The following MYRIP variants were observed in gnomAD, a reference collection of about 807,000 sequenced individuals.
The protein encoded by MYRIP is myosin VIIA and Rab interacting protein, also known as rab effector MyRIP.
In MYRIP, 49 loss-of-function variants were observed where a neutral mutation model predicts 98.0. The observed-to-expected ratio is 0.50, with a 90% CI of 0.40 to 0.63. The LOEUF (loss-of-function observed/expected upper bound fraction) is 0.63. MYRIP is among the 30% of genes least tolerant of loss of function. MYRIP has a pLI of 0.00. For synonymous variants in MYRIP, 404 were observed against 409.5 expected (o/e 0.99, Z 0.16); for missense variants, 1,004 against 1,058.2 (o/e 0.95, Z 0.71).
intron 4 of MYRIP, 75 bp from the exon 5 acceptor site, chr3:40,162,655 G>A (rs1950420608): frequency 1.5e-6 from 2 of 1,324,194 alleles, no homozygotes; most frequent in Admixed American, 1.7e-5. Context: ...CCAGTTCAGT[G>A]ACACAGTGCA....
At position 39,872,517 on chromosome 3, in the gene MYRIP, G is replaced by A. The variant is rs1026387974; in HGVS notation, c.-30-28270G>A. On this transcript the variant is annotated intron_variant, in intron 1 of 16. Transcript: ENST00000302541. The stretch of plus-strand genomic sequence containing the variant: ...CCCATCCCACAACAGTCCCCAGAGT[G>A]TGATGTTCCCCTTCCTGTGTCCATG... Among the ~76,000 whole-genome samples, 56 of 131,928 alleles carry A rather than the reference G, an allele frequency of 4.2e-4. No individual in the cohort carries two copies. In the East Asian group the frequency reaches 9.8e-3, roughly 23 times the overall value. 86.5% of individuals were successfully genotyped at this position (131,928 alleles called of 152,430 possible).
chr3:40,007,207 A>G (rs1485908854), intron 2 of MYRIP, among the ~76,000 whole-genome samples: 1 of 152,238 alleles, frequency 6.6e-6, no homozygotes. Context: ...TAATGCATCC[A>G]GCCATGGAGA....
At chr3:40,242,789 T>TA (rs1266500636) in intron 12 of MYRIP, among the ~76,000 whole-genome samples, 2 of 152,076 alleles carry the variant, frequency 1.3e-5, no homozygotes, top group Middle Eastern at 3.4e-3. Context: ...GGAAAAGTAT[T>TA]AAAAAAGTAT....
intron 1 of MYRIP, among the ~76,000 whole-genome samples, chr3:39,891,137 G>A (rs1943476578): frequency 6.6e-6 from 1 of 151,898 alleles, no homozygotes; most frequent in African/African-American, 2.4e-5. Context: ...TCAATATAAG[G>A]GAGAAATACT....
rs778916373 is a variant in MYRIP, at chr3:40,210,094, G to T, written c.1905+1G>T. ...GAGTGTCCAGGAAGAGCTGAAGAAG[G>T]TAAGGGCTGTGAAGCCACCTGCAGA... On this transcript the variant is annotated splice_donor_variant, in intron 11 of 16. Transcript: ENST00000302541. LOFTEE classifies it high-confidence loss of function. 1.9e-6 allele frequency: 3 copies of T among 1,613,440 alleles called. No individual in the cohort carries two copies. The highest frequency in any genetic ancestry group is 2.2e-5 in the South Asian group (2 of 91,026).
Position 39,984,316 on chromosome 3 carries a change from G to A in MYRIP, c.111-59734G>A, listed in dbSNP as rs184285491. Reference sequence around the variant, plus strand: ...ATGTATACATGTGCCATGCTGGTGCGCTGCACCCACTAACTCGTCATCTAG... The same window carrying A: ...ATGTATACATGTGCCATGCTGGTGCACTGCACCCACTAACTCGTCATCTAG... On this transcript the variant is annotated intron_variant, in intron 2 of 16. Transcript: ENST00000302541. Among the ~76,000 whole-genome samples the A allele has an allele frequency of 7.2e-5, 11 of 151,944 alleles. No individual in the cohort carries two copies. The East Asian group carries it at 9.7e-4, about 13-fold the overall frequency.
chr3:39,878,243 T>C (rs1241699299), intron 1 of MYRIP, among the ~76,000 whole-genome samples: 1 of 152,204 alleles, frequency 6.6e-6, no homozygotes, highest in Non-Finnish European at 1.5e-5. Context: ...CCAGGTGCTG[T>C]CTGTCACCCC....
intron 1 of MYRIP, among the ~76,000 whole-genome samples, chr3:39,858,146 G>A (rs1266995402): frequency 6.6e-6 from 1 of 152,104 alleles, no homozygotes; most frequent in East Asian, 1.9e-4. Flanking sequence ...CTGCCTTCAG[G>A]AGACTCACTT....
intron 1 of MYRIP, among the ~76,000 whole-genome samples, chr3:39,837,680 G>A (rs1193457090): frequency 6.6e-6 from 1 of 152,156 alleles, no homozygotes; most frequent in Non-Finnish European, 1.5e-5. Flanking sequence ...TTTTGCTTAG[G>A]ATTGTCTTGG....
chr3:40,253,772 G>A (rs1953475370), intron 16 of MYRIP, among the ~76,000 whole-genome samples: 2 of 152,220 alleles, frequency 1.3e-5, no homozygotes, highest in African/African-American at 4.8e-5. Context: ...TCGTTTAGCA[G>A]TAGGGACGGG....
chr3:40,144,192 C>T (rs934766812), intron 3 of MYRIP, among the ~76,000 whole-genome samples: 3 of 152,226 alleles, frequency 2.0e-5, no homozygotes, highest in African/African-American at 7.2e-5. Context: ...TGAGTAGATA[C>T]AGGTGTTCTA....
At chr3:39,818,843 A>G (rs1337166423) in intron 1 of MYRIP, among the ~76,000 whole-genome samples, 2 of 152,212 alleles carry the variant, frequency 1.3e-5, no homozygotes, top group African/African-American at 4.8e-5. Flanking sequence ...AAATTTCTAT[A>G]GCAATGTAGA....
At chr3:39,884,486 A>G (rs1943237850) in intron 1 of MYRIP, among the ~76,000 whole-genome samples, 5 of 152,070 alleles carry the variant, frequency 3.3e-5, no homozygotes, top group Admixed American at 3.3e-4. Flanking sequence ...ACCCTCCACA[A>G]TGTGGATGGG....
intron 3 of MYRIP, among the ~76,000 whole-genome samples, chr3:40,064,771 T>TA (rs1164929585): frequency 6.6e-6 from 1 of 152,118 alleles, no homozygotes; most frequent in Admixed American, 6.5e-5. Context: ...TAAAAAGTGA[T>TA]AAAATGAGCT....
At chr3:39,903,471 A>G (rs937401180) in intron 2 of MYRIP, among the ~76,000 whole-genome samples, 1 of 152,128 alleles carries the variant, frequency 6.6e-6, no homozygotes, top group Admixed American at 6.5e-5. Context: ...AGTGTAGTAG[A>G]GCTTATCCAG....
At chr3:40,047,750 C>T (rs1017769218) in intron 3 of MYRIP, among the ~76,000 whole-genome samples, 2 of 152,182 alleles carry the variant, frequency 1.3e-5, no homozygotes, top group Non-Finnish European at 2.9e-5. Context: ...CCCTGTTTGA[C>T]AGAGAAGTAT....
chr3:40,000,302 A>G (rs1045036792), intron 2 of MYRIP, among the ~76,000 whole-genome samples: 5 of 152,224 alleles, frequency 3.3e-5, no homozygotes, highest in Admixed American at 1.3e-4. Flanking sequence ...TATCACGCAC[A>G]TGAAGACTGT....
In MYRIP at chr3:39,982,231, A is replaced by G. The variant is rs62264395; in HGVS notation, c.111-61819A>G. 3.8e-3 allele frequency among the ~76,000 whole-genome samples: 574 copies of G among 152,330 alleles called. 5 individuals are homozygous for G. Among genetic ancestry groups the G allele is most frequent in the Non-Finnish European group, 5.5e-3 (376 of 68,026 alleles). ...GTAGGTGGGTAAGTTTATCCAAGTCAACTTAATATAATTGGTGACAGAGTT... is the reference window on the plus strand; with the variant it reads ...GTAGGTGGGTAAGTTTATCCAAGTCGACTTAATATAATTGGTGACAGAGTT... On this transcript the variant is annotated intron_variant, in intron 2 of 16. Coordinates refer to ENST00000302541, the MANE Select transcript of MYRIP (RefSeq NM_015460.4).
chr3:39,841,538 G>T (rs965896367), intron 1 of MYRIP, among the ~76,000 whole-genome samples: 1 of 151,934 alleles, frequency 6.6e-6, no homozygotes, highest in African/African-American at 2.4e-5. Context: ...GAGGCATTCT[G>T]GTTTTTGGAA....
Sources: allele counts gnomAD v4.1 joint callset (sites outside exome capture counted in the v4.1 genomes callset), GRCh38; gene constraint gnomAD v4.1.1; transcripts MANE v1.5; gene names NCBI Gene and HGNC (gene_info 2026-07-23, HGNC 2026-07-21).